The following PLEKHH2 variants were observed in gnomAD, a reference collection of about 807,000 sequenced individuals.
PLEKHH2 encodes pleckstrin homology domain-containing family H member 2.
In PLEKHH2, 129 loss-of-function variants were observed where a neutral mutation model predicts 187.9. That is an observed-to-expected ratio of 0.69 (90% CI 0.59 to 0.79). The LOEUF is 0.79. PLEKHH2 is among the 30% of genes least tolerant of loss of function. The probability of loss-of-function intolerance (pLI) is 0.00; values close to 1 mark genes in which losing one functional copy is unlikely to be tolerated. For synonymous variants in PLEKHH2, 686 were observed against 605.6 expected, an observed-to-expected ratio of 1.13 and a Z score of -1.95; for missense variants, 2,076 against 1,751.2, an observed-to-expected ratio of 1.19 and a Z score of -3.31.
intron 24 of PLEKHH2, among the ~76,000 whole-genome samples, chr2:43,751,787 T>G (rs1024547415): frequency 6.6e-6 from 1 of 152,186 alleles, no homozygotes; most frequent in African/African-American, 2.4e-5. Flanking sequence ...GCTCCATGGA[T>G]TTGATTTTTA....
Position 43,695,187 on chromosome 2 carries a change from A to G in PLEKHH2, c.465A>G (p.Gln155=), listed in dbSNP as rs1201846427. The G allele has an allele frequency of 1.9e-6, 3 of 1,599,928 alleles. No individual in the cohort carries two copies. The highest frequency in any genetic ancestry group is 2.6e-6 in the Non-Finnish European group (3 of 1,171,090). Residue 155 remains glutamine, a synonymous_variant, in exon 6 of 30, where the codon CAA becomes CAG. Coordinates refer to ENST00000282406, the MANE Select transcript of PLEKHH2 (RefSeq NM_172069.4). The part of the protein sequence containing the change: ...NQNLRLINQN[Q]TEEIRTMQSK... The stretch of plus-strand genomic sequence containing the variant: ...ATCTTCGTTTGATCAACCAAAACCA[A>G]ACTGAAGAGATAAGAACAATGCAGT...
At chr2:43,699,414 T>G (rs756779698) in intron 7 of PLEKHH2, among the ~76,000 whole-genome samples, 12 of 152,158 alleles carry the variant, frequency 7.9e-5, no homozygotes, top group Admixed American at 3.3e-4. Context: ...GGTCTTGCTC[T>G]GTCACCCAGG....
At chr2:43,652,941 A>C (rs1227641775) in intron 2 of PLEKHH2, among the ~76,000 whole-genome samples, 2 of 152,202 alleles carry the variant, frequency 1.3e-5, no homozygotes, top group Non-Finnish European at 2.9e-5. Context: ...TAGAAAACCA[A>C]AAACATGGTA....
In PLEKHH2 at chr2:43,693,592, C is replaced by T. The variant is rs569766253; in HGVS notation, c.337-839C>T. ...ACAAAAAATTAGCCGGGCGTGGTGG[C>T]GGGCTCCTGTAGTCCCAGCTACTTG... On this transcript the variant is annotated intron_variant, in intron 4 of 29. Transcript: ENST00000282406. Among the ~76,000 whole-genome samples, 416 of 151,934 alleles carry T rather than the reference C, an allele frequency of 2.7e-3. 1 individual carries two copies. Among genetic ancestry groups the T allele is most frequent in the African/African-American group, 8.9e-3 (370 of 41,422 alleles).
intron 11 of PLEKHH2, among the ~76,000 whole-genome samples, chr2:43,709,299 G>A (rs1669825277): frequency 6.6e-6 from 1 of 152,106 alleles, no homozygotes; most frequent in Non-Finnish European, 1.5e-5. Flanking sequence ...TTTTTAAAAT[G>A]TGAGGTTACT....
intron 2 of PLEKHH2, among the ~76,000 whole-genome samples, chr2:43,647,253 T>C (rs1478363527): frequency 6.6e-6 from 1 of 152,244 alleles, no homozygotes; most frequent in Non-Finnish European, 1.5e-5. Context: ...ATATAAACTT[T>C]TAAATCCTTA....
At chr2:43,666,428 C>G (rs935469894) in intron 2 of PLEKHH2, among the ~76,000 whole-genome samples, 1 of 147,178 alleles carries the variant, frequency 6.8e-6, no homozygotes, top group Non-Finnish European at 1.5e-5. Context: ...AGAAATCACC[C>G]GTCTTCTGCG....
At chr2:43,686,258 A>G (rs1341225916) in intron 3 of PLEKHH2, among the ~76,000 whole-genome samples, 1 of 151,572 alleles carries the variant, frequency 6.6e-6, no homozygotes, top group Non-Finnish European at 1.5e-5. Flanking sequence ...GTGCAGTGGC[A>G]TGATCCTGGC....
rs541128586 is a variant in PLEKHH2 at position 43,704,151 on chromosome 2, C to T, written c.1726+95C>T. 3 of 838,512 alleles carry T rather than the reference C, an allele frequency of 3.6e-6. No homozygotes were observed. The Admixed American group carries it at 7.3e-5, about 20-fold the overall frequency. The allele number at this position is 838,512 out of a possible 1,614,324, so 51.9% of individuals were successfully genotyped here. A position where few individuals can be genotyped will look rare whatever the true frequency, so the allele number is the denominator to read the frequency against. ...AATACATGGTACAGTCACAAAAAGA[C>T]AAATACTGTATGATTCCACCTAAAG... is the stretch of plus-strand genomic sequence containing the variant. On this transcript the variant is annotated intron_variant, in intron 9 of 29. Coordinates refer to ENST00000282406, the MANE Select transcript of PLEKHH2 (RefSeq NM_172069.4).
intron 1 of PLEKHH2, among the ~76,000 whole-genome samples, chr2:43,641,040 G>T (rs1042220812): frequency 6.9e-6 from 1 of 145,724 alleles, no homozygotes; most frequent in Non-Finnish European, 1.5e-5. Flanking sequence ...CAGTCTAACC[G>T]CCTCGGCCTC....
At chr2:43,680,977 C>T (rs910035269) in intron 3 of PLEKHH2, 27 of 1,151,158 alleles carry the variant, frequency 2.3e-5, no homozygotes, top group African/African-American at 1.6e-4. Flanking sequence ...TTCTAGTTTC[C>T]GTTACTGTTG....
intron 25 of PLEKHH2, among the ~76,000 whole-genome samples, chr2:43,753,977 G>A (rs1443165451): frequency 1.3e-5 from 2 of 152,052 alleles, no homozygotes; most frequent in Non-Finnish European, 2.9e-5. Flanking sequence ...AGAGAACCCA[G>A]TTTCTTAATT....
Position 43,731,551 on chromosome 2 carries a change from G to A in PLEKHH2, c.2892G>A (p.Leu964=), listed in dbSNP as rs753582067. Reference sequence around the variant, plus strand: ...GTAAAGAAGGAATCATTTCCCCTCTGACAACTCTACCTTCCGAAGCCCTGC... The same window carrying A: ...GTAAAGAAGGAATCATTTCCCCTCTAACAACTCTACCTTCCGAAGCCCTGC... ...CHSKEGIISP[L]TTLPSEALQT... is the part of the protein sequence containing the mutation. The change falls in exon 19 of 30, where the codon CTG becomes CTA. Residue 964 remains leucine (L), a synonymous_variant. Transcript: ENST00000282406. The A allele has an allele frequency of 1.9e-6, 3 of 1,606,598 alleles. No homozygotes were observed. The highest frequency in any genetic ancestry group is 1.7e-5 in the Admixed American group (1 of 59,802).
At chr2:43,696,520 A>G (rs1669099326) in intron 6 of PLEKHH2, among the ~76,000 whole-genome samples, 1 of 151,308 alleles carries the variant, frequency 6.6e-6, no homozygotes, top group Non-Finnish European at 1.5e-5. Context: ...GAGATGAATT[A>G]AATTCATGAT....
chr2:43,699,209 T>A (rs572632787), intron 7 of PLEKHH2, among the ~76,000 whole-genome samples: 1 of 28,298 alleles, frequency 3.5e-5, no homozygotes, highest in Non-Finnish European at 6.9e-5. Flanking sequence ...GACTCTCAGT[T>A]TTTTTTTTCC....
chr2:43,731,135 G>A (rs1423132844), intron 18 of PLEKHH2, among the ~76,000 whole-genome samples: 1 of 152,142 alleles, frequency 6.6e-6, no homozygotes, highest in African/African-American at 2.4e-5. Context: ...TGAGGGAAAG[G>A]GTGGGAAGGG....
intron 14 of PLEKHH2, chr2:43,711,794 C>T (rs1024209526): frequency 6.3e-5 from 27 of 431,022 alleles, no homozygotes; most frequent in Admixed American, 5.7e-4. Flanking sequence ...CTCGGGAGGC[C>T]GAGGCAGGAG....
chr2:43,665,853 T>C lies in PLEKHH2; in HGVS notation c.124-13010T>C, dbSNP rs1252441575. 5.7e-4 allele frequency among the ~76,000 whole-genome samples: 75 copies of C among 132,100 alleles called. 4 individuals are homozygous for C. The highest frequency in any genetic ancestry group is 2.2e-3 in the African/African-American group (72 of 32,436). The allele number at this position is 132,100 out of a possible 152,430, so 86.7% of individuals were successfully genotyped here. On this transcript the variant is annotated intron_variant, in intron 2 of 29. Coordinates refer to ENST00000282406, the MANE Select transcript of PLEKHH2 (RefSeq NM_172069.4). Reference sequence around the variant, plus strand: ...CGTTCTCAGATCTCCAGCTGCGTGCTGGGAGAACCACTGCTCTCTTCAAAG... The same window carrying C: ...CGTTCTCAGATCTCCAGCTGCGTGCCGGGAGAACCACTGCTCTCTTCAAAG...
At chr2:43,747,686 C>G (rs1268299320) in intron 24 of PLEKHH2, among the ~76,000 whole-genome samples, 1 of 152,134 alleles carries the variant, frequency 6.6e-6, no homozygotes, top group East Asian at 1.9e-4. Flanking sequence ...TTAATTATAA[C>G]AAAATAATGG....
Sources: allele counts gnomAD v4.1 joint callset (sites outside exome capture counted in the v4.1 genomes callset), GRCh38; gene constraint gnomAD v4.1.1; transcripts MANE v1.5; gene names NCBI Gene and HGNC (gene_info 2026-07-23, HGNC 2026-07-21).